Variants in C1QTNF6 observed in about 807,000 individuals in gnomAD.
C1QTNF6 encodes C1q and TNF related 6.
In C1QTNF6, 17 loss-of-function variants were observed where a neutral mutation model predicts 20.7. That is an observed-to-expected ratio of 0.82 (90% CI 0.56 to 1.23). The LOEUF (loss-of-function observed/expected upper bound fraction) is 1.23. Among genes scored for constraint, C1QTNF6 ranks in the 50% most tolerant of loss-of-function variants. C1QTNF6 has a pLI of 0.00. For synonymous variants in C1QTNF6, 130 were observed against 156.3 expected, an observed-to-expected ratio of 0.83 and a Z score of 1.25; for missense variants, 329 against 389.7, an observed-to-expected ratio of 0.84 and a Z score of 1.31.
rs530994948 is a variant in C1QTNF6 at position 37,182,245 on chromosome 22, G to A, written c.780C>T (p.Asn260=). ...TGAAGGTGATGTAGGTGTCGAAGTC[G>A]TTGCTGTAGATGGCGTTCTCGCGCT... ...KRQRENAIYS[N]DFDTYITFSG... Residue 260 remains asparagine (N), a synonymous_variant, in exon 3 of 3, where the codon AAC becomes AAT. Coordinates refer to ENST00000337843, the MANE Select transcript of C1QTNF6 (RefSeq NM_031910.4). 62 of 1,614,186 alleles carry A rather than the reference G, an allele frequency of 3.8e-5. No homozygotes were observed. The highest frequency in any genetic ancestry group is 1.8e-4 in the Admixed American group (11 of 60,032).
At chr22:37,197,753 G>C (rs1439163354), upstream of C1QTNF6, 1 of 152,300 alleles carries the variant, frequency 6.6e-6, no homozygotes, top group Non-Finnish European at 1.5e-5. Context: ...CCTCCCATTA[G>C]CTTTGACCGT....
intron 1 of C1QTNF6, 102 bp downstream of exon 1, chr22:37,188,061 G>T: frequency 8.0e-7 from 1 of 1,254,446 alleles, no homozygotes; most frequent in Non-Finnish European, 1.1e-6. Flanking sequence ...CAGTCAGAGG[G>T]AGAGAGCAGG....
upstream of C1QTNF6, among the ~76,000 whole-genome samples, chr22:37,188,848 G>C (rs574237900): frequency 6.6e-6 from 1 of 152,252 alleles, no homozygotes; most frequent in Non-Finnish European, 1.5e-5. Flanking sequence ...TGTTACCAGA[G>C]AGGGGTACTG....
At chr22:37,186,124 C>A (rs1235999449) in intron 1 of C1QTNF6, 4 of 985,378 alleles carry the variant, frequency 4.1e-6, no homozygotes, top group African/African-American at 3.5e-5. Context: ...TGGGGTGGTG[C>A]GCGGTGATGG....
At chr22:37,183,098 G>C in intron 2 of C1QTNF6, 1 of 230,160 alleles carries the variant, frequency 4.3e-6, no homozygotes, top group Non-Finnish European at 7.1e-6. Context: ...CAGGACCACA[G>C]CGCAGTCCAG....
chr22:37,196,330 G>A (rs1378183988), intron 1 of C1QTNF6: 1 of 152,228 alleles, frequency 6.6e-6, no homozygotes, highest in Non-Finnish European at 1.5e-5. Flanking sequence ...TAGGCAGGGG[G>A]AAGTTTGGCA....
intron 2 of C1QTNF6, among the ~76,000 whole-genome samples, chr22:37,183,732 C>T (rs1469916097): frequency 6.6e-6 from 1 of 152,256 alleles, no homozygotes; most frequent in Admixed American, 6.5e-5. Context: ...CTGCAGGGTT[C>T]TGGCTCCACC....
chr22:37,188,321 A>C, upstream of C1QTNF6: 1 of 572,168 alleles, frequency 1.7e-6, no homozygotes, highest in Non-Finnish European at 2.5e-6. Flanking sequence ...GAGAGGGCGG[A>C]GGGAGGGCGG....
upstream of C1QTNF6, chr22:37,191,708 T>C (rs1601637731): frequency 6.6e-6 from 1 of 152,194 alleles, no homozygotes; most frequent in African/African-American, 2.4e-5. Flanking sequence ...AAAAAAACTG[T>C]CTCTTTTCGT....
At chr22:37,194,487 A>G (rs532925798) in intron 2 of C1QTNF6, among the ~76,000 whole-genome samples, 1 of 152,318 alleles carries the variant, frequency 6.6e-6, no homozygotes, top group East Asian at 1.9e-4. Flanking sequence ...ACCCTTTGCC[A>G]GCATGCCAGG....
intron 2 of C1QTNF6, chr22:37,182,983 G>T (rs757045627): frequency 2.2e-6 from 3 of 1,345,632 alleles, no homozygotes; most frequent in African/African-American, 3.0e-5. Flanking sequence ...AGCAGAAGAG[G>T]CAGGACTTAA....
At chr22:37,195,507 G>A (rs1925085702) in intron 1 of C1QTNF6, 2 of 152,172 alleles carry the variant, frequency 1.3e-5, no homozygotes, top group Non-Finnish European at 2.9e-5. Context: ...CCCAAAGAGA[G>A]GGTTCCTGGA....
upstream of C1QTNF6, chr22:37,197,799 G>C (rs1471396336): frequency 6.6e-6 from 1 of 152,212 alleles, no homozygotes; most frequent in Non-Finnish European, 1.5e-5. Flanking sequence ...TCATCCGTTG[G>C]TGTCCCAGCC....
rs548946568 is a variant in C1QTNF6, at chr22:37,180,505, C to G, written c.*1683G>C. The stretch of plus-strand genomic sequence containing the variant: ...GAAGGCCTGAGGTCCCTCCTTTGCT[C>G]TAGCTCCCCAGACCTGCTGAGGGCT... On this transcript the variant is annotated 3_prime_UTR_variant, in exon 3 of 3. Coordinates refer to ENST00000337843, the MANE Select transcript of C1QTNF6 (RefSeq NM_031910.4). 2 of 152,752 alleles carry G rather than the reference C, an allele frequency of 1.3e-5. No homozygotes were observed. Among genetic ancestry groups the G allele is most frequent in the Admixed American group, 6.5e-5 (1 of 15,290 alleles). 9.5% of individuals were successfully genotyped at this position (152,752 alleles called of 1,614,324 possible). A position where few individuals can be genotyped will look rare whatever the true frequency, so the allele number is the denominator to read the frequency against.
At chr22:37,187,708 G>C (rs1601633206) in intron 1 of C1QTNF6, among the ~76,000 whole-genome samples, 1 of 152,156 alleles carries the variant, frequency 6.6e-6, no homozygotes, top group East Asian at 1.9e-4. Flanking sequence ...GGGAGTCAAA[G>C]GCTGTGAGAC....
rs777962283 is a variant in C1QTNF6 at position 37,182,166 on chromosome 22, C to A, written c.*22G>T. On this transcript the variant is annotated 3_prime_UTR_variant, in exon 3 of 3. Transcript: ENST00000337843. Reference sequence around the variant, plus strand: ...GGGACCAGCACCTGAGCTCTCCAGCCGGGAGGGTGGCCCAGAGGCCCTCAG... The same window carrying A: ...GGGACCAGCACCTGAGCTCTCCAGCAGGGAGGGTGGCCCAGAGGCCCTCAG... 18 of 1,591,376 alleles carry A rather than the reference C, an allele frequency of 1.1e-5. No homozygotes were observed. The highest frequency in any genetic ancestry group is 2.3e-5 in the South Asian group (2 of 86,834).
In C1QTNF6 at chr22:37,184,556, C is replaced by A. The variant is rs190759375; in HGVS notation, c.289+662G>T. The A allele has an allele frequency of 6.8e-5, 47 of 693,456 alleles. No homozygotes were observed. In the East Asian group the frequency reaches 9.5e-4, roughly 14 times the overall value. 43.0% of individuals were successfully genotyped at this position (693,456 alleles called of 1,614,324 possible). A position where few individuals can be genotyped will look rare whatever the true frequency, so the allele number is the denominator to read the frequency against. Reference sequence around the variant, plus strand: ...GGACAGCCCTCACCTGGATGGCCCTCACCTGGACAGGCCCCACAGGGCTGC... The same window carrying A: ...GGACAGCCCTCACCTGGATGGCCCTAACCTGGACAGGCCCCACAGGGCTGC... On this transcript the variant is annotated intron_variant, in intron 2 of 2. Transcript: ENST00000337843. This position sits in a 1 kb window ranked among gnomAD's most constrained non-coding sequence, Gnocchi z 4.0.
upstream of C1QTNF6, chr22:37,188,304 G>GGAGGGAGAGAGGAGGGGATT: frequency 8.0e-7 from 1 of 1,245,590 alleles, no homozygotes; most frequent in Non-Finnish European, 1.1e-6. Flanking sequence ...AGGAGGGGAT[G>GGAGGGAGAGAGGAGGGGATT]GAGGGAGAGA....
chr22:37,183,521 AGGTGACCACCCACGCCT>A, intron 2 of C1QTNF6, among the ~76,000 whole-genome samples: 1 of 152,376 alleles, frequency 6.6e-6, no homozygotes, highest in South Asian at 2.1e-4. Flanking sequence ...TAAGAAAAGC[AGGTGACCACCCACGCCT>A]GGAGGGACCC....
Sources: allele counts gnomAD v4.1 joint callset (sites outside exome capture counted in the v4.1 genomes callset), GRCh38; gene constraint gnomAD v4.1.1; non-coding constraint Gnocchi (gnomAD v3.1); transcripts MANE v1.5; gene names NCBI Gene and HGNC (gene_info 2026-07-23, HGNC 2026-07-21).